ROCK2: variants seen among roughly 807,000 people sequenced by gnomAD.
ROCK2 encodes the protein Rho associated coiled-coil containing protein kinase 2.
Under a neutral mutation model 195.1 loss-of-function variants are expected in ROCK2, and 61 were observed. The ratio of observed to expected loss-of-function variants is 0.31; its 90% CI spans 0.25 to 0.39. The LOEUF (loss-of-function observed/expected upper bound fraction) is 0.39. Ranked by LOEUF, ROCK2 falls within the 10% of genes least tolerant of loss-of-function variation. The pLI is 1.00. For synonymous variants in ROCK2, 504 were observed against 545.5 expected (o/e 0.92, Z 1.06); for missense variants, 1,109 against 1,637.4 (o/e 0.68, Z 5.57).
intron 1 of ROCK2, among the ~76,000 whole-genome samples, chr2:11,315,751 T>C (rs1319516995): frequency 1.3e-5 from 2 of 152,076 alleles, no homozygotes; most frequent in Admixed American, 6.6e-5. Context: ...GGATTAAAGA[T>C]TTCACTTTTT....
intron 3 of ROCK2, among the ~76,000 whole-genome samples, chr2:11,270,667 TAA>T (rs1277537999): frequency 2.0e-5 from 3 of 152,350 alleles, no homozygotes; most frequent in East Asian, 3.9e-4. Context: ...TCATTTCTGT[TAA>T]AAGTGTTTTT....
At chr2:11,289,488 T>G (rs1400576768) in intron 1 of ROCK2, among the ~76,000 whole-genome samples, 1 of 152,218 alleles carries the variant, frequency 6.6e-6, no homozygotes, top group Non-Finnish European at 1.5e-5. Context: ...TATATTCATA[T>G]GGAAAGCATT....
chr2:11,230,116 T>A (rs1208493110), intron 5 of ROCK2, among the ~76,000 whole-genome samples: 1 of 152,122 alleles, frequency 6.6e-6, no homozygotes, highest in African/African-American at 2.4e-5. Flanking sequence ...CCTAACTCTG[T>A]CAGCTGGCAG....
chr2:11,344,910 C>T (rs567306139), upstream of ROCK2, among the ~76,000 whole-genome samples: 117 of 147,602 alleles, frequency 7.9e-4, no homozygotes, highest in Non-Finnish European at 1.5e-3. This position sits in a 1 kb window ranked among gnomAD's most constrained non-coding sequence, Gnocchi z 5.4. Context: ...GCACCCAGGC[C>T]GGGTCCTTCC....
rs566388697 is a variant in ROCK2 at position 11,298,991 on chromosome 2, G to A, written c.142-11255C>T. ...CCACATTAAAAAATCGCTGGAGGCC[G>A]GGCACGGTGGCTCACACCTGTAATC... On this transcript the variant is annotated intron_variant, in intron 1 of 32. Transcript: ENST00000315872. 8.5e-4 allele frequency among the ~76,000 whole-genome samples: 129 copies of A among 151,946 alleles called. 1 individual carries two copies. The highest frequency in any genetic ancestry group is 2.7e-3 in the African/African-American group (113 of 41,434).
At chr2:11,261,803 T>C (rs1666237698) in intron 3 of ROCK2, among the ~76,000 whole-genome samples, 1 of 152,128 alleles carries the variant, frequency 6.6e-6, no homozygotes, top group Admixed American at 6.5e-5. Flanking sequence ...CCAGCCTGGG[T>C]CACAGAGCAA....
intron 17 of ROCK2, 137 bp downstream of exon 17, chr2:11,214,220 C>T (rs1392674289): frequency 2.0e-5 from 12 of 594,794 alleles, no homozygotes; most frequent in Non-Finnish European, 6.0e-6. Context: ...CTTATCTACA[C>T]ATCAAGTCCA....
chr2:11,295,520 G>C (rs889222355), intron 1 of ROCK2, among the ~76,000 whole-genome samples: 13 of 151,562 alleles, frequency 8.6e-5, no homozygotes, highest in African/African-American at 2.9e-4. Flanking sequence ...TTTCCTATTT[G>C]GTGCTCACAG....
At chr2:11,260,319 G>T (rs1441480035) in intron 3 of ROCK2, among the ~76,000 whole-genome samples, 1 of 151,776 alleles carries the variant, frequency 6.6e-6, no homozygotes, top group East Asian at 1.9e-4. Flanking sequence ...GTGGTGGCAG[G>T]TGCCTGTGAT....
chr2:11,218,387 A>G, intron 11 of ROCK2, 68 bp downstream of exon 11: 2 of 1,245,064 alleles, frequency 1.6e-6, no homozygotes, highest in Non-Finnish European at 2.3e-6. Context: ...GGATATGACT[A>G]TATTTAAACT....
At chr2:11,257,536 T>C (rs556426032) in intron 3 of ROCK2, among the ~76,000 whole-genome samples, 2 of 151,416 alleles carry the variant, frequency 1.3e-5, no homozygotes, top group African/African-American at 2.5e-5. Context: ...TTGCTGTGAG[T>C]TTCTTCGAGT....
intron 6 of ROCK2, among the ~76,000 whole-genome samples, chr2:11,224,744 G>C (rs1224671753): frequency 6.6e-6 from 1 of 150,872 alleles, no homozygotes; most frequent in Non-Finnish European, 1.5e-5. Flanking sequence ...TAATTTAAGA[G>C]AGGAAATGTT....
chr2:11,316,531 A>G (rs1668198272), intron 1 of ROCK2, among the ~76,000 whole-genome samples: 2 of 152,218 alleles, frequency 1.3e-5, no homozygotes, highest in African/African-American at 4.8e-5. Context: ...TTACATAAAC[A>G]AAGACTTAAT....
At chr2:11,317,580 A>ATATC (rs1312823837) in intron 1 of ROCK2, among the ~76,000 whole-genome samples, 1 of 12,408 alleles carries the variant, frequency 8.1e-5, no homozygotes, top group African/African-American at 2.8e-4. Flanking sequence ...ACACATTTAT[A>ATATC]TATATATATA....
At chr2:11,195,135 T>C (rs1663580856) in intron 27 of ROCK2, 110 bp from the exon 28 acceptor site, 3 of 571,868 alleles carry the variant, frequency 5.2e-6, no homozygotes, top group Non-Finnish European at 8.9e-6. Flanking sequence ...ATATATCCTT[T>C]AGAATTTATC....
chr2:11,283,149 C>T (rs1667065370), intron 3 of ROCK2, among the ~76,000 whole-genome samples: 1 of 151,954 alleles, frequency 6.6e-6, no homozygotes, highest in African/African-American at 2.4e-5. Flanking sequence ...TGCCTGTAAT[C>T]CCAGCTACTT....
intron 1 of ROCK2, among the ~76,000 whole-genome samples, chr2:11,322,920 T>C (rs1668443334): frequency 6.6e-6 from 1 of 152,104 alleles, no homozygotes; most frequent in Admixed American, 6.6e-5. Flanking sequence ...TTAATCATTA[T>C]CTCCAGTAAG....
chr2:11,281,157 T>C (rs1405702178), intron 3 of ROCK2, among the ~76,000 whole-genome samples: 13 of 135,946 alleles, frequency 9.6e-5, no homozygotes, highest in African/African-American at 3.7e-4. Flanking sequence ...CAGATGATCA[T>C]ATCATAGATG....
chr2:11,251,009 A>C (rs1665811528), intron 3 of ROCK2, among the ~76,000 whole-genome samples: 1 of 152,084 alleles, frequency 6.6e-6, no homozygotes, highest in Non-Finnish European at 1.5e-5. Context: ...CCCTGTTCAA[A>C]TCATACCTTC....
Sources: allele counts gnomAD v4.1 joint callset (sites outside exome capture counted in the v4.1 genomes callset), GRCh38; gene constraint gnomAD v4.1.1; non-coding constraint Gnocchi (gnomAD v3.1); transcripts MANE v1.5; gene names NCBI Gene and HGNC (gene_info 2026-07-23, HGNC 2026-07-21).